The following CPSF2 variants were observed in gnomAD, a reference collection of about 807,000 sequenced individuals.
CPSF2 encodes the protein cleavage and polyadenylation specificity factor subunit 2.
A neutral mutation model predicts 84.2 loss-of-function variants in CPSF2; 51 were observed. The observed-to-expected ratio is 0.61, with a 90% CI of 0.48 to 0.77. CPSF2 has a LOEUF of 0.77. Among genes scored for constraint, CPSF2 ranks in the 30% least tolerant of loss-of-function variants. The pLI is 0.00. For synonymous variants in CPSF2, 286 were observed against 311.9 expected (o/e 0.92, Z 0.87); for missense variants, 641 against 929.4 (o/e 0.69, Z 4.03).
At position 92,153,529 on chromosome 14, in the gene CPSF2, A is replaced by G. The variant is rs577687924; in HGVS notation, c.1141-829A>G. On this transcript the variant is annotated intron_variant, in intron 9 of 15. Transcript: ENST00000298875. ...TTGGGCCTCACCTACTCCAAATTATAAAAATGCTTATCTGTATTTTCTTTT... is the reference window on the plus strand; with the variant it reads ...TTGGGCCTCACCTACTCCAAATTATGAAAATGCTTATCTGTATTTTCTTTT... Among the ~76,000 whole-genome samples, 326 of 152,180 alleles carry G rather than the reference A, an allele frequency of 2.1e-3. 1 individual carries two copies. The highest frequency in any genetic ancestry group is 2.7e-3 in the Admixed American group (42 of 15,276).
At chr14:92,152,166 G>T (rs923090405) in intron 9 of CPSF2, among the ~76,000 whole-genome samples, 1 of 151,676 alleles carries the variant, frequency 6.6e-6, no homozygotes, top group African/African-American at 2.4e-5. Context: ...TTTCGCTCTT[G>T]TTGCCCAGGC....
Position 92,164,893 on chromosome 14 carries a change from T to C in CPSF2, c.*3149T>C, listed in dbSNP as rs2069423452. The C allele has an allele frequency of 6.6e-6, 1 of 152,152 alleles. No homozygotes were observed. The allele number at this position is 152,152 out of a possible 1,614,324, so 9.4% of individuals were successfully genotyped here. ...TATAATCCCAGAACACTTTCATCACTCCAAAAAGAAACACCATACCCACTA... is the reference window on the plus strand; with the variant it reads ...TATAATCCCAGAACACTTTCATCACCCCAAAAAGAAACACCATACCCACTA... On this transcript the variant is annotated 3_prime_UTR_variant, in exon 16 of 16. Transcript: ENST00000298875.
At position 92,165,312 on chromosome 14, in the gene CPSF2, A is replaced by G. The variant is rs2069429393; in HGVS notation, c.*3568A>G. The G allele has an allele frequency of 6.6e-6, 1 of 151,516 alleles. No homozygotes were observed. Among genetic ancestry groups the G allele is most frequent in the Non-Finnish European group, 1.5e-5 (1 of 67,958 alleles). 9.4% of individuals were successfully genotyped at this position (151,516 alleles called of 1,614,324 possible). On this transcript the variant is annotated 3_prime_UTR_variant, in exon 16 of 16. Transcript: ENST00000298875. The stretch of plus-strand genomic sequence containing the variant: ...TATATCTAAGAATTAGAATTGCTGG[A>G]TCATACAGTAATTCTGCTTAACCTT...
In CPSF2 at chr14:92,171,629, G is replaced by A. The variant is rs1244018141; in HGVS notation, c.*9885G>A. 1 of 152,150 alleles carries A rather than the reference G, an allele frequency of 6.6e-6. No homozygotes were observed. The highest frequency in any genetic ancestry group is 2.4e-5 in the African/African-American group (1 of 41,426). The allele number at this position is 152,150 out of a possible 1,614,324, so 9.4% of individuals were successfully genotyped here. ...TGGTATTTAAAACCAAGATCCGGAT[G>A]CTAAAGGCTGTGCTCATTGCCCCTG... On this transcript the variant is annotated 3_prime_UTR_variant, in exon 16 of 16. Coordinates refer to ENST00000298875, the MANE Select transcript of CPSF2 (RefSeq NM_017437.3).
At chr14:92,141,264 TGTATTAG>T (rs1169712359) in intron 7 of CPSF2, among the ~76,000 whole-genome samples, 17 of 152,164 alleles carry the variant, frequency 1.1e-4, no homozygotes, top group Non-Finnish European at 2.4e-4. Flanking sequence ...GCATGTACAC[TGTATTAG>T]GTATTATAAG....
At chr14:92,123,911 C>G (rs1407855857) in intron 1 of CPSF2, among the ~76,000 whole-genome samples, 2 of 152,204 alleles carry the variant, frequency 1.3e-5, no homozygotes, top group Admixed American at 6.5e-5. Flanking sequence ...ATCCATTCAA[C>G]AAATACTTTA....
At chr14:92,156,761 T>A (rs200968712) in intron 12 of CPSF2, 130 bp downstream of exon 12, 6 of 416,172 alleles carry the variant, frequency 1.4e-5, no homozygotes, top group Admixed American at 4.8e-5. Context: ...TTAAAATTTA[T>A]TTTTGTATGA....
chr14:92,160,034 C>T (rs1237046244), intron 14 of CPSF2, among the ~76,000 whole-genome samples: 1 of 151,824 alleles, frequency 6.6e-6, no homozygotes, highest in Non-Finnish European at 1.5e-5. Flanking sequence ...GTGATCTTGT[C>T]TCACTGCAAC....
rs752885821 is a variant in CPSF2, at chr14:92,157,844, A to G, written c.1781A>G (p.His594Arg). The change falls in exon 13 of 16, where the codon CAT becomes CGT. Residue 594 changes from histidine (H) to arginine (R), a missense_variant. Physicochemically the swap from His to Arg is conservative, Grantham distance 29. Coordinates refer to ENST00000298875, the MANE Select transcript of CPSF2 (RefSeq NM_017437.3). The surrounding 1 kb of genome is among the most constrained non-coding windows in gnomAD (Gnocchi z 4.0). ...ATTAAAGTGTACATGCCAAAGCTAC[A>G]TGAAACAGTTGATGCCACTAGTGAA... ...KDIKVYMPKL[H>R]ETVDATSETH... The G allele has an allele frequency of 2.2e-5, 36 of 1,614,094 alleles. No individual in the cohort carries two copies. Among genetic ancestry groups the G allele is most frequent in the Non-Finnish European group, 2.9e-5 (34 of 1,180,008 alleles).
Position 92,121,989 on chromosome 14 carries a change from T to G in CPSF2, c.-233T>G. The G allele has an allele frequency of 4.2e-6, 3 of 712,744 alleles. No individual in the cohort carries two copies. Among genetic ancestry groups the G allele is most frequent in the Non-Finnish European group, 7.0e-6 (3 of 430,192 alleles). The allele number at this position is 712,744 out of a possible 1,614,324, so 44.2% of individuals were successfully genotyped here. On this transcript the variant is annotated 5_prime_UTR_variant, in exon 1 of 16. It removes an upstream start codon present in the reference 5' UTR. Coordinates refer to ENST00000298875, the MANE Select transcript of CPSF2 (RefSeq NM_017437.3). ...CCGCCGCTAGTCTCCAGCTCCAAAA[T>G]GGCGGCTGCCACTGTGGGGCTTCTG... is the stretch of plus-strand genomic sequence containing the variant.
intron 9 of CPSF2, among the ~76,000 whole-genome samples, chr14:92,149,665 G>GT (rs199720243): frequency 0.021 from 3,173 of 150,676 alleles, 80 homozygotes; most frequent in East Asian, 0.13. Flanking sequence ...AAGTTTTTTT[G>GT]TTTTTTTTTG....
Position 92,156,573 on chromosome 14 carries a change from C to T in CPSF2, c.1537C>T (p.Gln513Ter). 6.2e-7 allele frequency: 1 copy of T among 1,610,846 alleles called. No individual in the cohort carries two copies. Among genetic ancestry groups the T allele is most frequent in the Non-Finnish European group, 8.5e-7 (1 of 1,177,656 alleles). Residue 513 changes from glutamine to a stop codon, truncating the protein, a stop_gained, in exon 12 of 16, where the codon CAG (glutamine) becomes TAG (stop). Transcript: ENST00000298875. LOFTEE classifies it high-confidence loss of function. ...GLTNGDEPMD[Q>*]DLSDVPTKCI... ...GACAAATGGAGATGAACCTATGGAT[C>T]AGGATTTATCTGATGTTCCTACTAA...
chr14:92,122,706 C>T, intron 1 of CPSF2, among the ~76,000 whole-genome samples: 1 of 144,540 alleles, frequency 6.9e-6, no homozygotes, highest in East Asian at 2.2e-4. Context: ...TGACTTCGTA[C>T]TATTTTACGT....
At position 92,162,104 on chromosome 14, in the gene CPSF2, CA is replaced by C. The variant is rs2069381889; in HGVS notation, c.*363del. The C allele has an allele frequency of 6.4e-6, 1 of 156,954 alleles. No homozygotes were observed. Among genetic ancestry groups the C allele is most frequent in the Non-Finnish European group, 1.4e-5 (1 of 71,332 alleles). The allele number at this position is 156,954 out of a possible 1,614,324, so 9.7% of individuals were successfully genotyped here. A position where few individuals can be genotyped will look rare whatever the true frequency, so the allele number is the denominator to read the frequency against. ...AGAAACATTTTTGCATGAGTTCTTA[CA>C]AACTGTTTGTTATATTTTCTGGAAT... On this transcript the variant is annotated 3_prime_UTR_variant, in exon 16 of 16. Coordinates refer to ENST00000298875, the MANE Select transcript of CPSF2 (RefSeq NM_017437.3).
chr14:92,127,938 G>A (rs1214175831), intron 2 of CPSF2, among the ~76,000 whole-genome samples: 1 of 152,206 alleles, frequency 6.6e-6, no homozygotes. Flanking sequence ...GGTGGAGGGA[G>A]GGATGGGTGA....
rs760205910 is a variant in CPSF2 at position 92,159,219 on chromosome 14, T to TA, written c.2058_2059insA (p.Glu687ArgfsTer6). ...CCATGAAAAGTCTGTTCGGAGATGA[T>TA]GAAAAAGAAACAGGTGAAGAAAGTG... On this transcript the variant is annotated frameshift_variant, in exon 14 of 16. Coordinates refer to ENST00000298875, the MANE Select transcript of CPSF2 (RefSeq NM_017437.3). LOFTEE classifies it high-confidence loss of function. 6.2e-7 allele frequency: 1 copy of TA among 1,613,526 alleles called. No individual in the cohort carries two copies. The highest frequency in any genetic ancestry group is 1.7e-5 in the Admixed American group (1 of 59,916).
At chr14:92,160,639 C>G (rs2069359655) in intron 14 of CPSF2, among the ~76,000 whole-genome samples, 1 of 152,214 alleles carries the variant, frequency 6.6e-6, no homozygotes, top group Non-Finnish European at 1.5e-5. Flanking sequence ...GCAAGAACCA[C>G]TTTCGTTACT....
chr14:92,161,577 A>T (rs760773447), intron 15 of CPSF2, 75 bp from the exon 16 acceptor site: 12 of 997,536 alleles, frequency 1.2e-5, no homozygotes, highest in Non-Finnish European at 1.6e-5. Context: ...AATCTATTTC[A>T]TATATTTCGG....
chr14:92,123,334 G>C (rs2068802807), intron 1 of CPSF2, among the ~76,000 whole-genome samples: 1 of 151,686 alleles, frequency 6.6e-6, no homozygotes, highest in Non-Finnish European at 1.5e-5. Flanking sequence ...CACCTTGTTG[G>C]CCAGGATTAT....
Sources: allele counts gnomAD v4.1 joint callset (sites outside exome capture counted in the v4.1 genomes callset), GRCh38; gene constraint gnomAD v4.1.1; non-coding constraint Gnocchi (gnomAD v3.1); transcripts MANE v1.5; gene names NCBI Gene and HGNC (gene_info 2026-07-23, HGNC 2026-07-21).